The following SACM1L variants were observed in gnomAD, a reference collection of about 807,000 sequenced individuals.
SACM1L encodes the protein SAC1 like phosphatidylinositide phosphatase, also known as phosphatidylinositol-3-phosphatase SAC1.
SACM1L carries 32 observed loss-of-function variants against 89.5 expected under a neutral mutation model. That is an observed-to-expected ratio of 0.36 (90% confidence interval 0.27 to 0.48). The LOEUF (loss-of-function observed/expected upper bound fraction) is 0.48. Ranked by LOEUF, SACM1L falls within the 20% of genes least tolerant of loss-of-function variation. The pLI, the probability that SACM1L is intolerant of heterozygous loss-of-function variation, is 0.99. For synonymous variants in SACM1L, 213 were observed against 232.8 expected (o/e 0.92, Z 0.77); for missense variants, 543 against 708.5 (o/e 0.77, Z 2.65).
rs760507008 is a variant in SACM1L, at chr3:45,738,622, A to T, written c.1427A>T (p.Asn476Ile). 4 of 1,613,070 alleles carry T rather than the reference A, an allele frequency of 2.5e-6. No individual in the cohort carries two copies. Among genetic ancestry groups the T allele is most frequent in the Non-Finnish European group, 3.4e-6 (4 of 1,179,274 alleles). The change falls in exon 17 of 20, where the codon AAC (asparagine) becomes ATC (isoleucine). Residue 476 changes from asparagine (N) to isoleucine (I), a missense_variant. By Grantham distance (149) the Asn-to-Ile change is moderately radical (BLOSUM62 -3). This residue lies in a region of SACM1L where 370 missense variants were observed against 527.6 expected (regional missense o/e 0.70). Transcript: ENST00000389061. ...THLGLIMDGW[N>I]SMIRYYKNNF... ...TTGGGACTTATAATGGATGGCTGGA[A>T]CTCAATGATACGATATTATAAGAAC...
chr3:45,706,129 A>T lies in SACM1L; in HGVS notation c.206-651A>T, dbSNP rs577975644. The stretch of plus-strand genomic sequence containing the variant: ...TACATGGCAAAACTTTCAGAGGGGG[A>T]ACTTGTGGGTAGAATGTTGAACAGA... On this transcript the variant is annotated intron_variant, in intron 3 of 19. Coordinates refer to ENST00000389061, the MANE Select transcript of SACM1L (RefSeq NM_014016.5). Among the ~76,000 whole-genome samples the T allele has an allele frequency of 3.3e-5, 5 of 152,224 alleles. No individual in the cohort carries two copies. The South Asian group carries it at 1.0e-3, about 32-fold the overall frequency.
chr3:45,732,045 T>C lies in SACM1L; in HGVS notation c.1002-8T>C. On this transcript the variant is annotated splice_polypyrimidine_tract_variant and splice_region_variant and intron_variant, in intron 12 of 19. Coordinates refer to ENST00000389061, the MANE Select transcript of SACM1L (RefSeq NM_014016.5). ...TGGTCGGTTTCTGAATATCTTTTCTTTTGGTAGATACATTGCCTTTGACTT... is the reference window on the plus strand; with the variant it reads ...TGGTCGGTTTCTGAATATCTTTTCTCTTGGTAGATACATTGCCTTTGACTT... The C allele has an allele frequency of 1.3e-6, 2 of 1,518,686 alleles. No homozygotes were observed. Among genetic ancestry groups the C allele is most frequent in the Non-Finnish European group, 1.8e-6 (2 of 1,119,500 alleles). The allele number at this position is 1,518,686 out of a possible 1,614,324, so 94.1% of individuals were successfully genotyped here.
At chr3:45,701,955 A>G (rs1351845421) in intron 1 of SACM1L, among the ~76,000 whole-genome samples, 1 of 152,240 alleles carries the variant, frequency 6.6e-6, no homozygotes, top group East Asian at 1.9e-4. Context: ...CAACAAATGA[A>G]TGGATCAACA....
intron 13 of SACM1L, chr3:45,735,032 G>C: frequency 2.3e-6 from 1 of 430,512 alleles, no homozygotes. Context: ...GCCATTTTTT[G>C]GATGGAGGGC....
intron 5 of SACM1L, among the ~76,000 whole-genome samples, chr3:45,712,170 C>T (rs1352727814): frequency 5.3e-5 from 8 of 150,010 alleles, no homozygotes; most frequent in South Asian, 4.1e-4. Flanking sequence ...CTTTTAGAGT[C>T]GGCGGTGCTG....
intron 5 of SACM1L, 98 bp downstream of exon 5, chr3:45,709,745 G>A: frequency 9.1e-7 from 1 of 1,104,572 alleles, no homozygotes; most frequent in South Asian, 1.7e-5. Flanking sequence ...CTCAGTCCTG[G>A]CTATCTTAGA....
rs749870411 is a variant in SACM1L at position 45,706,801 on chromosome 3, C to T, written c.227C>T (p.Thr76Ile). ...LVAGNYLIVI[T>I]KKIKVGEFFS... is the part of the protein sequence containing the mutation. ...GCAGGTAATTATCTTATAGTCATTACCAAAAAGATAAAAGTAGGTGAATTT... is the reference window on the plus strand; with the variant it reads ...GCAGGTAATTATCTTATAGTCATTATCAAAAAGATAAAAGTAGGTGAATTT... The change falls in exon 4 of 20, where the codon ACC (threonine) becomes ATC (isoleucine). Residue 76 changes from threonine (T) to isoleucine (I), a missense_variant. This residue lies in a region of SACM1L where 173 missense variants were observed against 180.9 expected (regional missense o/e 0.96). Transcript: ENST00000389061. The T allele has an allele frequency of 2.5e-6, 4 of 1,609,444 alleles. No homozygotes were observed. The highest frequency in any genetic ancestry group is 3.4e-6 in the Non-Finnish European group (4 of 1,177,110).
intron 11 of SACM1L, among the ~76,000 whole-genome samples, chr3:45,727,754 C>T (rs1411942417): frequency 6.6e-6 from 1 of 152,188 alleles, no homozygotes; most frequent in African/African-American, 2.4e-5. Flanking sequence ...CACCACCACA[C>T]CTGGCTGATT....
At chr3:45,727,822 C>A (rs1320383946) in intron 11 of SACM1L, among the ~76,000 whole-genome samples, 1 of 152,134 alleles carries the variant, frequency 6.6e-6, no homozygotes, top group African/African-American at 2.4e-5. Flanking sequence ...GTCTCAATCT[C>A]CTGACCTCGT....
At chr3:45,722,331 A>G (rs1198728637) in intron 9 of SACM1L, among the ~76,000 whole-genome samples, 2 of 152,048 alleles carry the variant, frequency 1.3e-5, no homozygotes, top group East Asian at 3.9e-4. Flanking sequence ...GAAGAGAGTT[A>G]TGGAAATGGA....
chr3:45,709,663 AATTATTT>A lies in SACM1L; in HGVS notation c.483+17_483+23del. The A allele has an allele frequency of 6.3e-7, 1 of 1,585,144 alleles. No homozygotes were observed. The highest frequency in any genetic ancestry group is 8.5e-7 in the Non-Finnish European group (1 of 1,171,108). On this transcript the variant is annotated intron_variant, in intron 5 of 19. Coordinates refer to ENST00000389061, the MANE Select transcript of SACM1L (RefSeq NM_014016.5). The stretch of plus-strand genomic sequence containing the variant: ...CTTGGAAAGGGTAAGCTTGATCTTC[AATTATTT>A]TTATTTTTAGGTTTTTAAAAGGGAC...
intron 14 of SACM1L, 86 bp from the exon 15 acceptor site, chr3:45,737,497 A>G: frequency 7.6e-7 from 1 of 1,321,962 alleles, no homozygotes; most frequent in Non-Finnish European, 1.1e-6. Flanking sequence ...GCACCATGAG[A>G]TAAAATTTGG....
chr3:45,698,522 C>T (rs183738165), intron 1 of SACM1L, among the ~76,000 whole-genome samples: 1 of 152,248 alleles, frequency 6.6e-6, no homozygotes, highest in African/African-American at 2.4e-5. Context: ...TACCTTGATC[C>T]ATAATTACTC....
intron 5 of SACM1L, among the ~76,000 whole-genome samples, chr3:45,710,050 T>C (rs1698487260): frequency 6.6e-6 from 1 of 152,244 alleles, no homozygotes; most frequent in African/African-American, 2.4e-5. Context: ...GTGTAGCAGT[T>C]ACATTAGCAG....
At chr3:45,690,776 C>T (rs1697965683) in intron 1 of SACM1L, among the ~76,000 whole-genome samples, 2 of 152,170 alleles carry the variant, frequency 1.3e-5, no homozygotes, top group African/African-American at 4.8e-5. Context: ...GCAAAGTGCT[C>T]ACCTCGTCTT....
intron 8 of SACM1L, among the ~76,000 whole-genome samples, chr3:45,720,466 G>A (rs1317127705): frequency 6.6e-6 from 1 of 152,010 alleles, no homozygotes; most frequent in Admixed American, 6.6e-5. Context: ...TCAGATGTTA[G>A]TTTCTTGTTT....
chr3:45,724,911 A>G (rs1320646704), intron 11 of SACM1L, among the ~76,000 whole-genome samples: 1 of 152,160 alleles, frequency 6.6e-6, no homozygotes, highest in African/African-American at 2.4e-5. Flanking sequence ...GCATATGGCT[A>G]TCCAGTTTTC....
rs142372310 is a variant in SACM1L at position 45,694,686 on chromosome 3, G to A, written c.32+5189G>A. ...TGAGTGAAAATCTCTGGGGATGAGC[G>A]GTGGAAATCTGCAAGTTTAACTAGC... On this transcript the variant is annotated intron_variant, in intron 1 of 19. Coordinates refer to ENST00000389061, the MANE Select transcript of SACM1L (RefSeq NM_014016.5). Among the ~76,000 whole-genome samples, 793 of 152,206 alleles carry A rather than the reference G, an allele frequency of 5.2e-3. 12 individuals are homozygous for A. The highest frequency in any genetic ancestry group is 0.018 in the African/African-American group (737 of 41,516).
At chr3:45,705,083 C>T in intron 2 of SACM1L, 52 bp from the exon 3 acceptor site, 1 of 1,187,242 alleles carries the variant, frequency 8.4e-7, no homozygotes, top group Non-Finnish European at 1.2e-6. Flanking sequence ...ATTTCTGTTT[C>T]TGTTGGTGAG....
Sources: allele counts gnomAD v4.1 joint callset (sites outside exome capture counted in the v4.1 genomes callset), GRCh38; gene constraint gnomAD v4.1.1; regional missense constraint gnomAD v4.1.1; transcripts MANE v1.5; gene names NCBI Gene and HGNC (gene_info 2026-07-23, HGNC 2026-07-21).